KCNK2: variants seen among roughly 807,000 people sequenced by gnomAD.
The protein encoded by KCNK2 is potassium two pore domain channel subfamily K member 2, also known as potassium channel subfamily K member 2.
KCNK2 carries 21 observed loss-of-function variants against 40.5 expected under a neutral mutation model. The observed-to-expected ratio is 0.52, with a 90% confidence interval of 0.37 to 0.75. KCNK2 has a LOEUF of 0.75. KCNK2 is among the 30% of genes least tolerant of loss of function. The pLI is 0.00. For missense variants in KCNK2, 399 were observed against 531.6 expected, an observed-to-expected ratio of 0.75 and a Z score of 2.45; for synonymous variants, 191 against 202.2, an observed-to-expected ratio of 0.94 and a Z score of 0.47.
chr1:215,210,246 C>G (rs2102687826), intron 6 of KCNK2, among the ~76,000 whole-genome samples: 1 of 150,882 alleles, frequency 6.6e-6, no homozygotes, highest in East Asian at 2.0e-4. Flanking sequence ...ATTTCTACCA[C>G]ACTTTGAGAA....
intron 3 of KCNK2, among the ~76,000 whole-genome samples, chr1:215,162,024 C>G (rs1663221223): frequency 6.6e-6 from 1 of 152,186 alleles, no homozygotes; most frequent in Admixed American, 6.5e-5. Context: ...GATGGTTGAA[C>G]TAATTTACAG....
At chr1:215,083,974 A>G (rs927831304) in intron 1 of KCNK2, among the ~76,000 whole-genome samples, 1 of 152,202 alleles carries the variant, frequency 6.6e-6, no homozygotes, top group South Asian at 2.1e-4. Context: ...CCCTGATCAT[A>G]CATCAAATGG....
At chr1:215,229,132 T>C (rs943239803) in intron 6 of KCNK2, among the ~76,000 whole-genome samples, 2 of 152,162 alleles carry the variant, frequency 1.3e-5, no homozygotes, top group South Asian at 2.1e-4. Flanking sequence ...ACAATTCTTT[T>C]TTTTCTAATG....
At position 215,204,037 on chromosome 1, in the gene KCNK2, CAAAAAAAAAAAAA is replaced by C. The variant is rs71167813; in HGVS notation, c.963+8960_963+8972del. Among the ~76,000 whole-genome samples the C allele has an allele frequency of 8.1e-4, 43 of 53,188 alleles. No homozygotes were observed. In the South Asian group the frequency reaches 0.052, roughly 64 times the overall value. 34.9% of individuals were successfully genotyped at this position (53,188 alleles called of 152,430 possible). On this transcript the variant is annotated intron_variant, in intron 6 of 6. Transcript: ENST00000444842. Reference sequence around the variant, plus strand: ...TGGGCGATAGAGCGAGACTCCGTCTCAAAAAAAAAAAAAAAAAAAAAAAAAAAGAACTAGTTTC... The same window carrying C: ...TGGGCGATAGAGCGAGACTCCGTCTCAAAAAAAAAAAAAAGAACTAGTTTC...
intron 1 of KCNK2, among the ~76,000 whole-genome samples, chr1:215,059,017 G>A (rs528690420): frequency 1.3e-5 from 2 of 151,870 alleles, no homozygotes; most frequent in South Asian, 4.2e-4. Context: ...TTGTGTGTGA[G>A]TGTATGTATG....
At chr1:215,044,648 T>C (rs1657680593) in intron 1 of KCNK2, among the ~76,000 whole-genome samples, 1 of 152,166 alleles carries the variant, frequency 6.6e-6, no homozygotes, top group Non-Finnish European at 1.5e-5. Flanking sequence ...TCACCGGTTA[T>C]AATACCATGC....
chr1:215,125,508 A>G (rs1438080188), intron 3 of KCNK2, among the ~76,000 whole-genome samples: 1 of 151,922 alleles, frequency 6.6e-6, no homozygotes, highest in African/African-American at 2.4e-5. Flanking sequence ...ACCTAAACAC[A>G]GACCCCACAG....
chr1:215,061,406 A>G (rs1295853997), intron 1 of KCNK2, among the ~76,000 whole-genome samples: 2 of 152,062 alleles, frequency 1.3e-5, no homozygotes, highest in Non-Finnish European at 2.9e-5. Flanking sequence ...TTCTTTTTCA[A>G]ATTTAGTTTC....
Position 215,205,695 on chromosome 1 carries a change from C to T in KCNK2, c.963+10603C>T, listed in dbSNP as rs1333381545. Among the ~76,000 whole-genome samples, 4 of 152,098 alleles carry T rather than the reference C, an allele frequency of 2.6e-5. No homozygotes were observed. In the South Asian group the frequency reaches 6.2e-4, roughly 24 times the overall value. ...TGCTGACTTGTTGTGGATATTTAGC[C>T]AGAACAAGAGATTAACCTTTGTTGC... On this transcript the variant is annotated intron_variant, in intron 6 of 6. Transcript: ENST00000444842.
intron 6 of KCNK2, among the ~76,000 whole-genome samples, chr1:215,195,366 T>A (rs1438258108): frequency 6.7e-6 from 1 of 150,050 alleles, no homozygotes; most frequent in African/African-American, 2.4e-5. Context: ...ATTATTTCTT[T>A]TTTTTTTTGT....
intron 1 of KCNK2, among the ~76,000 whole-genome samples, chr1:215,007,017 A>ATGTGTGTGTGTGTGTG (rs1558053827): frequency 8.6e-5 from 2 of 23,368 alleles, no homozygotes; most frequent in African/African-American, 1.6e-4. Flanking sequence ...ATATATATAT[A>ATGTGTGTGTGTGTGTG]TATATATATA....
chr1:215,006,077 A>G, intron 1 of KCNK2: 1 of 829,956 alleles, frequency 1.2e-6, no homozygotes, highest in Non-Finnish European at 2.0e-6. Context: ...TCTATAATTA[A>G]ACTCATTGGG....
chr1:215,177,740 A>ATATATTTTT (rs71167812), intron 5 of KCNK2, among the ~76,000 whole-genome samples: 2,075 of 101,530 alleles, frequency 0.02, 50 homozygotes, highest in Middle Eastern at 0.03. Flanking sequence ...ATATATATAT[A>ATATATTTTT]TTTTTTTTTT....
chr1:215,212,754 A>C (rs1211366818), intron 6 of KCNK2, among the ~76,000 whole-genome samples: 1 of 152,182 alleles, frequency 6.6e-6, no homozygotes, highest in Admixed American at 6.5e-5. Flanking sequence ...TCCAAACAAC[A>C]CAAGTTTTCT....
intron 2 of KCNK2, among the ~76,000 whole-genome samples, chr1:215,123,232 A>AG (rs990086410): frequency 5.3e-5 from 8 of 151,904 alleles, no homozygotes; most frequent in African/African-American, 1.9e-4. Flanking sequence ...TAATAAAAAA[A>AG]ACCTGCATGT....
intron 1 of KCNK2, among the ~76,000 whole-genome samples, chr1:215,044,861 A>T (rs1657704147): frequency 6.6e-6 from 1 of 151,300 alleles, no homozygotes. Flanking sequence ...CGAGTTGGCA[A>T]GAATTTCTTA....
At chr1:215,226,057 T>G (rs1037616551) in intron 6 of KCNK2, among the ~76,000 whole-genome samples, 1 of 152,220 alleles carries the variant, frequency 6.6e-6, no homozygotes, top group African/African-American at 2.4e-5. Flanking sequence ...TGTTGAAATA[T>G]GGCAAGTGCT....
At chr1:215,039,435 C>T (rs1322178450) in intron 1 of KCNK2, among the ~76,000 whole-genome samples, 4 of 152,050 alleles carry the variant, frequency 2.6e-5, no homozygotes, top group African/African-American at 9.7e-5. Flanking sequence ...GCAATAAACC[C>T]CATCTATAGT....
chr1:215,065,234 C>T (rs1269181724), intron 1 of KCNK2, among the ~76,000 whole-genome samples: 1 of 152,144 alleles, frequency 6.6e-6, no homozygotes, highest in Non-Finnish European at 1.5e-5. Context: ...TGAGATAAAT[C>T]TTACAAAGCC....
Sources: allele counts gnomAD v4.1 joint callset (sites outside exome capture counted in the v4.1 genomes callset), GRCh38; gene constraint gnomAD v4.1.1; transcripts MANE v1.5; gene names NCBI Gene and HGNC (gene_info 2026-07-23, HGNC 2026-07-21).